The following ENOX2 variants were observed in gnomAD, a reference collection of about 807,000 sequenced individuals.
The protein encoded by ENOX2 is ecto-NOX disulfide-thiol exchanger 2, also known as APK1 antigen.
A neutral mutation model predicts 45.0 loss-of-function variants in ENOX2; 36 were observed. The observed-to-expected ratio is 0.80, with a 90% CI of 0.61 to 1.06. The LOEUF (loss-of-function observed/expected upper bound fraction) is 1.06, where lower values mean the gene tolerates loss of function less well. ENOX2 is among the 50% of genes least tolerant of loss of function. The pLI is 0.00. For synonymous variants in ENOX2, 174 were observed against 152.3 expected, an observed-to-expected ratio of 1.14 and a Z score of -1.05; for missense variants, 423 against 462.5, an observed-to-expected ratio of 0.91 and a Z score of 0.78.
At chrX:130,889,599 G>A (rs1689577483) in intron 2 of ENOX2, among the ~76,000 whole-genome samples, 1 of 111,383 alleles carries the variant, frequency 9.0e-6, no homozygotes. Context: ...GGAAACAGAG[G>A]GGAGGGGTGG....
intron 2 of ENOX2, among the ~76,000 whole-genome samples, chrX:130,837,590 C>A (rs780793981): frequency 9.0e-6 from 1 of 111,385 alleles, no homozygotes; most frequent in African/African-American, 3.3e-5. Flanking sequence ...CCCATTCCAC[C>A]GCCAGACAGT....
At chrX:130,822,067 C>CAAAAAA (rs759582186) in intron 2 of ENOX2, among the ~76,000 whole-genome samples, 3 of 19,126 alleles carry the variant, frequency 1.6e-4, no homozygotes, top group Admixed American at 6.0e-4. Flanking sequence ...GACTCCGTCT[C>CAAAAAA]AAAAAAAAAA....
chrX:130,752,217 C>CTCTATT lies in ENOX2; in HGVS notation c.-39+31324_-39+31329dup, dbSNP rs200252293. On this transcript the variant is annotated intron_variant, in intron 3 of 14. Transcript: ENST00000394363. ...CCTTCCCTCCCTCCCCATCTGTTTCCTCTATTTCCCTGCATGTGACTCCCT... is the reference window on the plus strand; with the variant it reads ...CCTTCCCTCCCTCCCCATCTGTTTCCTCTATTTCTATTTCCCTGCATGTGACTCCCT... Among the ~76,000 whole-genome samples the CTCTATT allele has an allele frequency of 1.4e-3, 151 of 108,897 alleles. 1 individual carries two copies. The East Asian group carries it at 0.019, about 14-fold the overall frequency. 94.6% of individuals were successfully genotyped at this position (108,897 alleles called of 115,157 possible). A position where few individuals can be genotyped will look rare whatever the true frequency, so the allele number is the denominator to read the frequency against.
intron 10 of ENOX2, chrX:130,646,243 C>T: frequency 2.3e-6 from 1 of 433,844 alleles, no homozygotes; most frequent in South Asian, 2.9e-5. Flanking sequence ...GACCTCATCC[C>T]AGAGACTGCA....
chrX:130,748,358 G>A (rs1397270434), intron 3 of ENOX2, among the ~76,000 whole-genome samples: 1 of 112,122 alleles, frequency 8.9e-6, no homozygotes, highest in Non-Finnish European at 1.9e-5. Flanking sequence ...ACTTCCTGAA[G>A]TAATACAGGT....
At chrX:130,656,775 A>G in intron 9 of ENOX2, 80 bp from the exon 10 acceptor site, 2 of 584,222 alleles carry the variant, frequency 3.4e-6, no homozygotes, top group Admixed American at 6.5e-5. Flanking sequence ...GATAAGATAA[A>G]GCAGCATTTT....
chrX:130,650,512 C>A (rs2036370354), intron 10 of ENOX2, among the ~76,000 whole-genome samples: 1 of 111,726 alleles, frequency 9.0e-6, no homozygotes, highest in Non-Finnish European at 1.9e-5. Flanking sequence ...TTAATTGGGC[C>A]CATTTCTGAA....
chrX:130,808,205 A>C (rs1216459755), intron 2 of ENOX2, among the ~76,000 whole-genome samples: 3 of 112,542 alleles, frequency 2.7e-5, no homozygotes, highest in Non-Finnish European at 3.8e-5. Context: ...ACATTCTAGT[A>C]GCAGACACAG....
chrX:130,735,332 T>C (rs1220040022), intron 3 of ENOX2, among the ~76,000 whole-genome samples: 1 of 112,323 alleles, frequency 8.9e-6, no homozygotes, highest in African/African-American at 3.2e-5. Flanking sequence ...CCTAAAGCAG[T>C]GCTTTGTCTT....
chrX:130,849,656 C>T (rs1339217938), intron 2 of ENOX2, among the ~76,000 whole-genome samples: 1 of 111,927 alleles, frequency 8.9e-6, no homozygotes, highest in African/African-American at 3.3e-5. Context: ...AGCAGAATGT[C>T]GTGGAAAGAA....
At chrX:130,897,501 T>G (rs751517307) in intron 2 of ENOX2, among the ~76,000 whole-genome samples, 2 of 112,614 alleles carry the variant, frequency 1.8e-5, no homozygotes, top group Non-Finnish European at 3.7e-5. Flanking sequence ...CTCGCTTTGA[T>G]GTATTTAGTT....
At chrX:130,795,542 A>G (rs1164206515) in intron 2 of ENOX2, among the ~76,000 whole-genome samples, 1 of 112,372 alleles carries the variant, frequency 8.9e-6, no homozygotes, top group African/African-American at 3.2e-5. Context: ...AATTCATTCA[A>G]ACAATTCTGG....
At chrX:130,743,775 C>T (rs368280219) in intron 3 of ENOX2, among the ~76,000 whole-genome samples, 1 of 111,019 alleles carries the variant, frequency 9.0e-6, no homozygotes, top group South Asian at 3.9e-4. Context: ...CCACCATGCC[C>T]GACCCCTGTG....
chrX:130,638,670 TG>T (rs1319410833), intron 10 of ENOX2, among the ~76,000 whole-genome samples: 2 of 111,573 alleles, frequency 1.8e-5, no homozygotes, highest in Non-Finnish European at 3.8e-5. Flanking sequence ...GGCAAACAGC[TG>T]CCCCCAAAAC....
At chrX:130,763,631 G>C (rs911853949) in intron 3 of ENOX2, among the ~76,000 whole-genome samples, 1 of 110,834 alleles carries the variant, frequency 9.0e-6, no homozygotes, top group African/African-American at 3.3e-5. Flanking sequence ...CACTTTGGGA[G>C]GCCGAGGCAG....
intron 2 of ENOX2, among the ~76,000 whole-genome samples, chrX:130,820,887 T>C (rs1265966410): frequency 8.9e-6 from 1 of 111,955 alleles, no homozygotes; most frequent in Non-Finnish European, 1.9e-5. Context: ...AGAGATCTAT[T>C]GTAAAACATG....
At chrX:130,675,054 T>C (rs1192440801) in intron 6 of ENOX2, among the ~76,000 whole-genome samples, 5 of 104,571 alleles carry the variant, frequency 4.8e-5, no homozygotes, top group Admixed American at 1.0e-4. Flanking sequence ...GTCTTTGCTA[T>C]TGTGAATAGT....
In ENOX2 at chrX:130,804,442, G is replaced by A. The variant is rs2077267857; in HGVS notation, c.-182-20752C>T. Among the ~76,000 whole-genome samples, 2 of 111,921 alleles carry A rather than the reference G, an allele frequency of 1.8e-5. 1 individual carries two copies. Among genetic ancestry groups the A allele is most frequent in the Admixed American group, 1.9e-4 (2 of 10,619 alleles). On this transcript the variant is annotated intron_variant, in intron 2 of 14. Transcript: ENST00000394363. ...ATTTCCCTCGTCTTGGGCACCCAAA[G>A]ATGTTATTAACCTTTGTAGGAGTCC...
In ENOX2 at chrX:130,677,922, A is replaced by C. The variant is rs181455447; in HGVS notation, c.460+1620T>G. 4.5e-5 allele frequency among the ~76,000 whole-genome samples: 5 copies of C among 110,059 alleles called. No homozygotes were observed. The Admixed American group carries it at 4.8e-4, about 11-fold the overall frequency. ...GCCAACAAGGTGAAATCCCATCTCT[A>C]CTAAAAATACAAAAATTAGCCGGGC... On this transcript the variant is annotated intron_variant, in intron 6 of 14. Coordinates refer to ENST00000394363, the MANE Select transcript of ENOX2 (RefSeq NM_006375.4).
Sources: allele counts gnomAD v4.1 joint callset (sites outside exome capture counted in the v4.1 genomes callset), GRCh38; gene constraint gnomAD v4.1.1; transcripts MANE v1.5; gene names NCBI Gene and HGNC (gene_info 2026-07-23, HGNC 2026-07-21).